MBOAT2: variants seen among roughly 807,000 people sequenced by gnomAD.
MBOAT2 encodes the protein membrane bound glycerophospholipid O-acyltransferase 2.
A neutral mutation model predicts 63.4 loss-of-function variants in MBOAT2; 28 were observed. The ratio of observed to expected loss-of-function variants is 0.44; its 90% confidence interval spans 0.33 to 0.61. The LOEUF is 0.61. Ranked by LOEUF, MBOAT2 falls within the 20% of genes least tolerant of loss-of-function variation. The pLI is 0.03. For missense variants in MBOAT2, 470 were observed against 605.8 expected (o/e 0.78, Z 2.35); for synonymous variants, 211 against 215.6 (o/e 0.98, Z 0.19).
In MBOAT2 at chr2:8,932,885, A is replaced by G. The variant is rs7581175; in HGVS notation, c.299+10302T>C. Reference sequence around the variant, plus strand: ...AACACAGTGACTACAGAACGTGCACATGTCAAGTCTATACACTCATAACAA... The same window carrying G: ...AACACAGTGACTACAGAACGTGCACGTGTCAAGTCTATACACTCATAACAA... On this transcript the variant is annotated intron_variant, in intron 3 of 12. Coordinates refer to ENST00000305997, the MANE Select transcript of MBOAT2 (RefSeq NM_138799.4). Among the ~76,000 whole-genome samples the G allele has an allele frequency of 4.3e-3, 659 of 152,332 alleles. 8 individuals carry two copies. The highest frequency in any genetic ancestry group is 0.015 in the African/African-American group (616 of 41,578).
chr2:8,883,257 GAAAT>G (rs1663279126), intron 5 of MBOAT2, among the ~76,000 whole-genome samples: 1 of 152,014 alleles, frequency 6.6e-6, no homozygotes. Flanking sequence ...AAAAAACAGT[GAAAT>G]AAATAGACAA....
At chr2:8,873,663 GATAT>G (rs1662506111) in intron 7 of MBOAT2, among the ~76,000 whole-genome samples, 3 of 152,092 alleles carry the variant, frequency 2.0e-5, no homozygotes, top group African/African-American at 4.8e-5. Context: ...ATTTTATATG[GATAT>G]ATATATTTTT....
At chr2:8,895,407 T>C (rs1174484113) in intron 4 of MBOAT2, among the ~76,000 whole-genome samples, 1 of 152,196 alleles carries the variant, frequency 6.6e-6, no homozygotes, top group Non-Finnish European at 1.5e-5. Context: ...TACAATCCTT[T>C]AGCTAGACAC....
chr2:9,000,343 T>G (rs1205798550), intron 1 of MBOAT2, among the ~76,000 whole-genome samples: 1 of 152,202 alleles, frequency 6.6e-6, no homozygotes, highest in Non-Finnish European at 1.5e-5. Flanking sequence ...TTATAAAAAT[T>G]TTTATTTTGC....
chr2:8,884,086 ATT>A (rs1663353241), intron 5 of MBOAT2, among the ~76,000 whole-genome samples: 2 of 148,102 alleles, frequency 1.4e-5, no homozygotes, highest in African/African-American at 2.5e-5. Flanking sequence ...GAAAAAAAAA[ATT>A]AGTTGGGTGT....
At chr2:8,895,042 G>A (rs1664334757) in intron 4 of MBOAT2, among the ~76,000 whole-genome samples, 1 of 152,240 alleles carries the variant, frequency 6.6e-6, no homozygotes, top group African/African-American at 2.4e-5. Context: ...CCTTCATGGT[G>A]AGTGTTACCG....
At chr2:8,911,725 G>A (rs937973867) in intron 3 of MBOAT2, among the ~76,000 whole-genome samples, 4 of 152,126 alleles carry the variant, frequency 2.6e-5, no homozygotes, top group African/African-American at 9.7e-5. Flanking sequence ...TGCACACACT[G>A]GCTCCCCTTT....
chr2:8,879,141 G>A (rs1662923921), intron 6 of MBOAT2, among the ~76,000 whole-genome samples: 1 of 150,280 alleles, frequency 6.7e-6, no homozygotes, highest in Non-Finnish European at 1.5e-5. Flanking sequence ...TGAAACTGAT[G>A]ACAGAAAATG....
intron 3 of MBOAT2, among the ~76,000 whole-genome samples, chr2:8,913,475 A>C (rs146547239): frequency 0.011 from 1,748 of 152,212 alleles, 23 homozygotes; most frequent in South Asian, 0.021. Context: ...GAACTCAATC[A>C]GTAAGAAAAA....
At chr2:8,912,391 GAAAGAAAGAAAGAAAGAAAGAAAGA>G (rs1558607080) in intron 3 of MBOAT2, among the ~76,000 whole-genome samples, 11 of 147,288 alleles carry the variant, frequency 7.5e-5, no homozygotes, top group Admixed American at 2.7e-4. Context: ...AAGAAAGAAA[GAAAGAAAGAAAGAAAGAAAGAAAGA>G]CAGGCCGGCC....
chr2:8,881,152 TGG>T (rs1339319375), intron 6 of MBOAT2, among the ~76,000 whole-genome samples: 1 of 152,186 alleles, frequency 6.6e-6, no homozygotes, highest in East Asian at 1.9e-4. Flanking sequence ...AGTGAGAAGC[TGG>T]CCTTCGATTA....
chr2:8,865,035 T>C (rs1572913936), intron 9 of MBOAT2, among the ~76,000 whole-genome samples: 1 of 152,270 alleles, frequency 6.6e-6, no homozygotes, highest in East Asian at 1.9e-4. Context: ...CTGGTAACAT[T>C]TGTGCGCTGA....
At chr2:8,990,963 C>G (rs1050029257) in intron 1 of MBOAT2, among the ~76,000 whole-genome samples, 1 of 152,182 alleles carries the variant, frequency 6.6e-6, no homozygotes, top group African/African-American at 2.4e-5. Context: ...ACTAGTTCAA[C>G]AAACCTCTCC....
chr2:8,881,183 C>T (rs1240376696), intron 6 of MBOAT2, among the ~76,000 whole-genome samples: 1 of 152,184 alleles, frequency 6.6e-6, no homozygotes, highest in Non-Finnish European at 1.5e-5. Context: ...ACAGCTAGTA[C>T]TTGACACCAG....
At chr2:8,939,644 G>A (rs889252474) in intron 3 of MBOAT2, among the ~76,000 whole-genome samples, 6 of 152,268 alleles carry the variant, frequency 3.9e-5, no homozygotes, top group African/African-American at 9.6e-5. Context: ...ACGGGCTTCC[G>A]TGGCTGCTTT....
intron 4 of MBOAT2, among the ~76,000 whole-genome samples, chr2:8,892,465 GA>G (rs1213066224): frequency 2.0e-5 from 3 of 148,136 alleles, no homozygotes; most frequent in Non-Finnish European, 4.5e-5. Context: ...GCTTCATTCA[GA>G]AAAAAAAAAG....
chr2:8,959,637 T>A (rs1669476849), intron 1 of MBOAT2, among the ~76,000 whole-genome samples: 1 of 152,004 alleles, frequency 6.6e-6, no homozygotes, highest in Non-Finnish European at 1.5e-5. Context: ...AATCTGTGCA[T>A]TTTTTTGTAA....
At chr2:8,959,944 C>G (rs1669495830) in intron 1 of MBOAT2, among the ~76,000 whole-genome samples, 1 of 152,184 alleles carries the variant, frequency 6.6e-6, no homozygotes. Context: ...CTACATGTAG[C>G]TATTTCCATA....
intron 1 of MBOAT2, among the ~76,000 whole-genome samples, chr2:8,977,169 C>A (rs1383746825): frequency 6.6e-6 from 1 of 152,038 alleles, no homozygotes; most frequent in East Asian, 1.9e-4. Flanking sequence ...AAATTTTACA[C>A]TTTTACTATG....
Sources: gnomAD v4.1 joint callset for allele counts (sites outside exome capture counted in the v4.1 genomes callset) on GRCh38, gnomAD v4.1.1 for gene constraint, MANE v1.5 for transcripts, NCBI Gene and HGNC (gene_info 2026-07-23, HGNC 2026-07-21) for gene names.